The following PPP1R9A variants were observed in gnomAD, a reference collection of about 807,000 sequenced individuals.
The protein encoded by PPP1R9A is neurabin-1.
A neutral mutation model predicts 141.9 loss-of-function variants in PPP1R9A; 59 were observed. That is an observed-to-expected ratio of 0.42 (90% confidence interval 0.34 to 0.52). PPP1R9A has a LOEUF of 0.52. Among genes scored for constraint, PPP1R9A ranks in the 20% least tolerant of loss-of-function variants. PPP1R9A has a pLI of 0.10. For missense variants in PPP1R9A, 1,444 were observed against 1,611.9 expected, an observed-to-expected ratio of 0.90 and a Z score of 1.78; for synonymous variants, 500 against 569.7, an observed-to-expected ratio of 0.88 and a Z score of 1.74.
At chr7:95,068,752 A>G (rs1330265147) in intron 2 of PPP1R9A, among the ~76,000 whole-genome samples, 1 of 152,128 alleles carries the variant, frequency 6.6e-6, no homozygotes, top group Admixed American at 6.6e-5. Flanking sequence ...AAGGAAGGCT[A>G]GAAGAAGATG....
intron 2 of PPP1R9A, among the ~76,000 whole-genome samples, chr7:94,952,827 G>C (rs868720825): frequency 6.6e-6 from 1 of 151,372 alleles, no homozygotes; most frequent in Admixed American, 6.6e-5. Context: ...TTGTAAATTT[G>C]TTTAAATTCC....
intron 2 of PPP1R9A, among the ~76,000 whole-genome samples, chr7:95,049,219 C>A (rs867476903): frequency 6.6e-6 from 1 of 152,048 alleles, no homozygotes; most frequent in South Asian, 2.1e-4. Flanking sequence ...CACTTCCAGG[C>A]TCCATATATT....
intron 2 of PPP1R9A, among the ~76,000 whole-genome samples, chr7:95,072,910 AAT>A (rs1000531344): frequency 8.1e-6 from 1 of 123,348 alleles, no homozygotes; most frequent in Admixed American, 1.0e-4. Context: ...ATATATGTGC[AAT>A]ATATATTATA....
intron 2 of PPP1R9A, among the ~76,000 whole-genome samples, chr7:94,978,521 C>T (rs1023112926): frequency 6.6e-6 from 1 of 152,162 alleles, no homozygotes; most frequent in African/African-American, 2.4e-5. Context: ...TTGGAGGCTG[C>T]TTAAAAATTT....
chr7:95,031,271 A>C (rs1044802837), intron 2 of PPP1R9A, among the ~76,000 whole-genome samples: 3 of 152,212 alleles, frequency 2.0e-5, no homozygotes, highest in Non-Finnish European at 4.4e-5. Context: ...TGTATAACTT[A>C]GATGTAACAT....
chr7:95,240,354 T>C (rs1201807163), intron 8 of PPP1R9A, among the ~76,000 whole-genome samples: 1 of 152,086 alleles, frequency 6.6e-6, no homozygotes, highest in Non-Finnish European at 1.5e-5. Flanking sequence ...CTTTCATTGC[T>C]CTGTTTTTGT....
At chr7:95,214,294 G>A (rs1050670008) in intron 7 of PPP1R9A, 3 of 152,194 alleles carry the variant, frequency 2.0e-5, no homozygotes, top group Admixed American at 6.5e-5. Context: ...ACTGGGAGAG[G>A]ATCTGCGTCC....
chr7:95,084,750 A>T (rs1026548870), intron 2 of PPP1R9A, among the ~76,000 whole-genome samples: 4 of 152,014 alleles, frequency 2.6e-5, no homozygotes, highest in Non-Finnish European at 5.9e-5. Flanking sequence ...TAGCCCACTT[A>T]GTTGTAATCT....
At chr7:95,262,057 A>T (rs923677030) in intron 12 of PPP1R9A, among the ~76,000 whole-genome samples, 2 of 152,164 alleles carry the variant, frequency 1.3e-5, no homozygotes, top group African/African-American at 4.8e-5. Flanking sequence ...ATGTAATGGG[A>T]GGGTGTCTAC....
intron 2 of PPP1R9A, among the ~76,000 whole-genome samples, chr7:94,951,384 A>G (rs1796459330): frequency 2.0e-5 from 3 of 151,832 alleles, no homozygotes; most frequent in Admixed American, 2.0e-4. Context: ...GGTATATTTG[A>G]TCAGGTTAAG....
At chr7:95,087,045 G>GA in intron 2 of PPP1R9A, among the ~76,000 whole-genome samples, 1 of 151,726 alleles carries the variant, frequency 6.6e-6, no homozygotes, top group East Asian at 1.9e-4. Flanking sequence ...ATAAAAGATG[G>GA]ATTTTCTAAA....
At chr7:95,215,854 T>C (rs1317712052) in intron 7 of PPP1R9A, among the ~76,000 whole-genome samples, 1 of 152,230 alleles carries the variant, frequency 6.6e-6, no homozygotes, top group East Asian at 1.9e-4. Context: ...TTCAGTTCTT[T>C]GTAGATTCTG....
chr7:95,215,617 A>C (rs911164816), intron 7 of PPP1R9A, among the ~76,000 whole-genome samples: 1 of 152,090 alleles, frequency 6.6e-6, no homozygotes, highest in Non-Finnish European at 1.5e-5. Context: ...ATTTCTCCAC[A>C]TCCTCTCCAG....
intron 2 of PPP1R9A, among the ~76,000 whole-genome samples, chr7:94,934,126 G>A (rs1794481696): frequency 1.3e-5 from 2 of 152,140 alleles, no homozygotes; most frequent in Non-Finnish European, 2.9e-5. Flanking sequence ...TCCACAAAAT[G>A]AGGGTAAAGT....
intron 2 of PPP1R9A, among the ~76,000 whole-genome samples, chr7:95,025,075 C>G (rs1260863331): frequency 6.6e-6 from 1 of 151,546 alleles, no homozygotes; most frequent in Non-Finnish European, 1.5e-5. Flanking sequence ...GGTTGAAAAT[C>G]CTTTTTTTTT....
chr7:95,283,735 T>C (rs192845667), intron 16 of PPP1R9A, among the ~76,000 whole-genome samples: 38 of 152,284 alleles, frequency 2.5e-4, no homozygotes, highest in Admixed American at 1.4e-3. Flanking sequence ...ACTGTGCCCC[T>C]CCCTGATTAT....
intron 4 of PPP1R9A, among the ~76,000 whole-genome samples, chr7:95,140,542 T>C (rs1402064000): frequency 6.6e-6 from 1 of 151,946 alleles, no homozygotes; most frequent in African/African-American, 2.4e-5. Flanking sequence ...AGGCATGCCA[T>C]TGTGCCCAGC....
chr7:94,971,690 G>A (rs879488682), intron 2 of PPP1R9A, among the ~76,000 whole-genome samples: 5 of 152,096 alleles, frequency 3.3e-5, no homozygotes, highest in African/African-American at 7.2e-5. Flanking sequence ...GCAGGTCAGC[G>A]GAGAAGCAAA....
At chr7:95,032,854 A>G (rs1807876636) in intron 2 of PPP1R9A, among the ~76,000 whole-genome samples, 1 of 152,186 alleles carries the variant, frequency 6.6e-6, no homozygotes, top group African/African-American at 2.4e-5. Context: ...TACATTAAGA[A>G]GTAGAATATT....
Sources: allele counts gnomAD v4.1 joint callset (sites outside exome capture counted in the v4.1 genomes callset), GRCh38; gene constraint gnomAD v4.1.1; transcripts MANE v1.5; gene names NCBI Gene and HGNC (gene_info 2026-07-23, HGNC 2026-07-21).